UNC13C: variants seen among roughly 807,000 people sequenced by gnomAD.
UNC13C encodes the protein protein unc-13 homolog C.
Under a neutral mutation model 245.4 loss-of-function variants are expected in UNC13C, and 174 were observed. That is an observed-to-expected ratio of 0.71 (90% CI 0.63 to 0.80). UNC13C has a LOEUF of 0.80. UNC13C is among the 30% of genes least tolerant of loss of function. UNC13C has a pLI of 0.00. For missense variants in UNC13C, 2,829 were observed against 2,602.9 expected (o/e 1.09, Z -1.89); for synonymous variants, 992 against 895.1 (o/e 1.11, Z -1.93).
At chr15:54,205,468 G>C (rs1285099819) in intron 4 of UNC13C, among the ~76,000 whole-genome samples, 1 of 151,932 alleles carries the variant, frequency 6.6e-6, no homozygotes, top group Non-Finnish European at 1.5e-5. Flanking sequence ...AAAGAAAAAT[G>C]AGCGAGATAC....
At chr15:54,278,299 T>C (rs1302165573) in intron 10 of UNC13C, among the ~76,000 whole-genome samples, 1 of 152,190 alleles carries the variant, frequency 6.6e-6, no homozygotes, top group Non-Finnish European at 1.5e-5. Flanking sequence ...CAGAAGTTTC[T>C]TTACTGCTCC....
chr15:54,015,376 A>C lies in UNC13C; in HGVS notation c.2473A>C (p.Ser825Arg), dbSNP rs1354085166. 5.0e-6 allele frequency: 8 copies of C among 1,613,708 alleles called. No homozygotes were observed. The highest frequency in any genetic ancestry group is 5.1e-6 in the Non-Finnish European group (6 of 1,179,828). The change falls in exon 2 of 33, where the codon AGT (serine) becomes CGT (arginine). Residue 825 changes from serine to arginine, a missense_variant. Physicochemically the swap from Ser to Arg is moderately radical, Grantham distance 110. Coordinates refer to ENST00000260323, the MANE Select transcript of UNC13C (RefSeq NM_001080534.3). ...STQSLSGYED[S>R]GSSLMGRFRT... is the part of the protein sequence containing the mutation. The stretch of plus-strand genomic sequence containing the variant: ...ACAGAGTCTGAGTGGGTATGAGGAC[A>C]GTGGCTCTTCATTAATGGGGAGATT...
At chr15:53,935,956 A>T in the UNC13C span, among the ~76,000 whole-genome samples, 3 of 152,126 alleles carry the variant, frequency 2.0e-5, no homozygotes, top group South Asian at 6.2e-4. Flanking sequence ...TAGCCCTGGG[A>T]ATTCTGGCAA....
rs377725378 is a variant in UNC13C, at chr15:54,419,776, T to A, written c.4933+4709T>A. On this transcript the variant is annotated intron_variant, in intron 19 of 32. Coordinates refer to ENST00000260323, the MANE Select transcript of UNC13C (RefSeq NM_001080534.3). ...CTGTGCTCCTGGAAAACACTGAGCT[T>A]TCTCACATTTTTTTGTTTCAGATGG... Among the ~76,000 whole-genome samples the A allele has an allele frequency of 5.9e-5, 9 of 152,222 alleles. 1 individual carries two copies. Among genetic ancestry groups the A allele is most frequent in the East Asian group, 1.9e-4 (1 of 5,150 alleles).
intron 17 of UNC13C, among the ~76,000 whole-genome samples, chr15:54,385,655 A>C (rs2039822707): frequency 1.3e-5 from 2 of 152,092 alleles, no homozygotes; most frequent in Admixed American, 6.6e-5. Context: ...GACTAGGGTT[A>C]CTATACTTAG....
chr15:54,380,471 T>A (rs537786540), intron 17 of UNC13C, among the ~76,000 whole-genome samples: 1 of 152,330 alleles, frequency 6.6e-6, no homozygotes, highest in African/African-American at 2.4e-5. Flanking sequence ...TGATTTAATA[T>A]CTTTTGGATA....
chr15:53,844,805 A>G, the UNC13C span, among the ~76,000 whole-genome samples: 1 of 152,138 alleles, frequency 6.6e-6, no homozygotes, highest in Non-Finnish European at 1.5e-5. Flanking sequence ...TCAAGCAGGC[A>G]TGTTAAGGGG....
chr15:54,026,382 A>G (rs1368753409), intron 2 of UNC13C, among the ~76,000 whole-genome samples: 1 of 152,190 alleles, frequency 6.6e-6, no homozygotes, highest in Non-Finnish European at 1.5e-5. Context: ...TTTGCACAAT[A>G]ACATGCTCTT....
At chr15:54,285,891 T>A (rs1019669993) in intron 10 of UNC13C, among the ~76,000 whole-genome samples, 7 of 152,174 alleles carry the variant, frequency 4.6e-5, no homozygotes, top group Middle Eastern at 3.4e-3. Context: ...TTATTTATTT[T>A]TTTTAAGACA....
intron 13 of UNC13C, among the ~76,000 whole-genome samples, chr15:54,307,576 A>T (rs1246866028): frequency 6.6e-6 from 1 of 151,990 alleles, no homozygotes; most frequent in Non-Finnish European, 1.5e-5. Flanking sequence ...GAACAAAGAG[A>T]TTAAATAGTA....
the UNC13C span, among the ~76,000 whole-genome samples, chr15:53,838,571 T>C: frequency 6.6e-6 from 1 of 152,014 alleles, no homozygotes; most frequent in Non-Finnish European, 1.5e-5. Flanking sequence ...AGTGGAAAAT[T>C]ATACTAATTG....
chr15:53,993,501 G>A (rs1894482773), intron 1 of UNC13C, among the ~76,000 whole-genome samples: 2 of 152,028 alleles, frequency 1.3e-5, no homozygotes, highest in South Asian at 4.1e-4. Context: ...GCACGTTATG[G>A]CTGTGCCACA....
At chr15:54,312,288 T>C (rs1275738956) in intron 13 of UNC13C, among the ~76,000 whole-genome samples, 2 of 151,622 alleles carry the variant, frequency 1.3e-5, no homozygotes, top group Non-Finnish European at 2.9e-5. Context: ...ACTTTCAGGG[T>C]TTCTTTGAAT....
intron 30 of UNC13C, among the ~76,000 whole-genome samples, chr15:54,589,289 C>CCTT (rs1898650764): frequency 1.9e-5 from 1 of 53,486 alleles, no homozygotes; most frequent in Non-Finnish European, 3.3e-5. Flanking sequence ...TCTTCTTCTT[C>CCTT]TTTTTTTTTT....
chr15:54,468,891 T>C (rs888690863), intron 19 of UNC13C, among the ~76,000 whole-genome samples: 2 of 151,646 alleles, frequency 1.3e-5, no homozygotes, highest in African/African-American at 4.8e-5. Flanking sequence ...TGCTTCTCCT[T>C]TGGCTCAAGA....
At chr15:54,093,793 C>T (rs924097598) in intron 2 of UNC13C, among the ~76,000 whole-genome samples, 1 of 152,170 alleles carries the variant, frequency 6.6e-6, no homozygotes, top group African/African-American at 2.4e-5. Flanking sequence ...TCAATACATT[C>T]TATAACACCT....
At chr15:54,172,944 G>T (rs910881805) in intron 4 of UNC13C, among the ~76,000 whole-genome samples, 1 of 150,884 alleles carries the variant, frequency 6.6e-6, no homozygotes, top group East Asian at 1.9e-4. Context: ...ATTTACTTTT[G>T]CTTATATGAA....
chr15:54,563,269 G>GT (rs959783366), intron 29 of UNC13C, among the ~76,000 whole-genome samples: 1 of 151,914 alleles, frequency 6.6e-6, no homozygotes, highest in Admixed American at 6.6e-5. Context: ...TTCTGCCTTT[G>GT]TTTTTTTAAG....
chr15:54,068,717 A>G (rs2141093152), intron 2 of UNC13C, among the ~76,000 whole-genome samples: 1 of 152,312 alleles, frequency 6.6e-6, no homozygotes, highest in East Asian at 1.9e-4. Flanking sequence ...TTCAAAAAGC[A>G]TAAGCTGCAC....
Sources: allele counts gnomAD v4.1 joint callset (sites outside exome capture counted in the v4.1 genomes callset), GRCh38; gene constraint gnomAD v4.1.1; transcripts MANE v1.5; gene names NCBI Gene and HGNC (gene_info 2026-07-23, HGNC 2026-07-21).